PGR: variants seen among roughly 807,000 people sequenced by gnomAD.
The protein encoded by PGR is nuclear receptor subfamily 3 group C member 3.
A neutral mutation model predicts 76.1 loss-of-function variants in PGR; 25 were observed. That is an observed-to-expected ratio of 0.33 (90% CI 0.24 to 0.46). The LOEUF is 0.46. Among genes scored for constraint, PGR ranks in the 20% least tolerant of loss-of-function variants. The pLI is 1.00. For synonymous variants in PGR, 579 were observed against 535.0 expected (o/e 1.08, Z -1.14); for missense variants, 1,172 against 1,225.3 (o/e 0.96, Z 0.65).
chr11:101,049,855 A>C, intron 6 of PGR, 74 bp downstream of exon 6: 1 of 1,234,324 alleles, frequency 8.1e-7, no homozygotes, highest in Non-Finnish European at 1.2e-6. Flanking sequence ...TAACTATATA[A>C]TCATATTGTT....
rs1862010937 is a variant in PGR, at chr11:101,102,000, C to A, written c.1790-10124G>T. On this transcript the variant is annotated intron_variant, in intron 2 of 7. Coordinates refer to ENST00000325455, the MANE Select transcript of PGR (RefSeq NM_000926.4). ...GATTCTTGTCAAAACGTTTAACTGG[C>A]ATATAATTATGTGGGGGAAAAATCA... Among the ~76,000 whole-genome samples the A allele has an allele frequency of 2.0e-5, 3 of 151,950 alleles. No individual in the cohort carries two copies. The South Asian group carries it at 6.2e-4, about 32-fold the overall frequency.
chr11:101,064,924 C>A (rs1189914395), intron 3 of PGR, among the ~76,000 whole-genome samples: 1 of 152,144 alleles, frequency 6.6e-6, no homozygotes, highest in African/African-American at 2.4e-5. Flanking sequence ...CAGTTGCCTA[C>A]AAAATTCAAC....
intron 3 of PGR, among the ~76,000 whole-genome samples, chr11:101,078,379 G>A (rs948832162): frequency 5.9e-5 from 9 of 152,112 alleles, no homozygotes; most frequent in South Asian, 2.1e-4. Flanking sequence ...TGTAGAAAGC[G>A]ACTTATTTTT....
At chr11:101,053,766 C>T (rs1860189881) in intron 4 of PGR, among the ~76,000 whole-genome samples, 1 of 151,310 alleles carries the variant, frequency 6.6e-6, no homozygotes, top group Admixed American at 6.6e-5. Flanking sequence ...CCTCCTCCCT[C>T]ACTGCTCCCT....
intron 4 of PGR, among the ~76,000 whole-genome samples, 198 bp downstream of exon 4, chr11:101,062,249 G>T (rs1013935274): frequency 1.3e-5 from 2 of 152,142 alleles, no homozygotes; most frequent in African/African-American, 4.8e-5. Context: ...AAGACTCAGT[G>T]TGTTCTCTAA....
intron 2 of PGR, among the ~76,000 whole-genome samples, chr11:101,107,068 G>T (rs1022856837): frequency 6.6e-6 from 1 of 152,086 alleles, no homozygotes; most frequent in Non-Finnish European, 1.5e-5. Flanking sequence ...GTCAGGGGAT[G>T]GGGGGCTAGG....
At chr11:101,077,620 T>C (rs1336805237) in intron 3 of PGR, among the ~76,000 whole-genome samples, 2 of 152,174 alleles carry the variant, frequency 1.3e-5, no homozygotes, top group African/African-American at 2.4e-5. Context: ...AAAGTTCTAG[T>C]TGGCAAACCA....
chr11:101,127,866 C>A lies in PGR; in HGVS notation c.1205G>T (p.Arg402Leu), dbSNP rs753587795. Residue 402 changes from arginine to leucine, a missense_variant, in exon 1 of 8, where the codon CGT becomes CTT. Around this residue, in one of 4 missense-constraint regions of PGR, gnomAD observed 893 missense variants for 785.9 expected, o/e 1.14. Coordinates refer to ENST00000325455, the MANE Select transcript of PGR (RefSeq NM_000926.4). ...EGAEASARSP[R>L]SYLVAGANPA... ...GTTGGCACCGGCCACAAGGTAGGAA[C>A]GCGGGGAGCGCGCGGAGGCCTCCGC... is the stretch of plus-strand genomic sequence containing the variant. 6.3e-7 allele frequency: 1 copy of A among 1,598,974 alleles called. No homozygotes were observed. The highest frequency in any genetic ancestry group is 8.5e-7 in the Non-Finnish European group (1 of 1,177,046).
chr11:101,051,667 G>A (rs1860093152), intron 4 of PGR, 99 bp from the exon 5 acceptor site: 4 of 853,246 alleles, frequency 4.7e-6, no homozygotes, highest in Non-Finnish European at 8.0e-6. Context: ...TATGCGTAGG[G>A]TAATAAAATG....
In PGR at chr11:101,127,694, C is replaced by T. The variant is rs759862685; in HGVS notation, c.1377G>A (p.Glu459=). The change falls in exon 1 of 8, where the codon GAG becomes GAA. Residue 459 remains glutamate, a synonymous_variant. Transcript: ENST00000325455. ...SSASSSGSTL[E]CILYKAEGAP... ...CGCCCTCCGCTTTGTACAGGATGCA[C>T]TCCAGGGTCGACCCCGAGGAGGACG... 3 of 1,581,984 alleles carry T rather than the reference C, an allele frequency of 1.9e-6. No individual in the cohort carries two copies. The highest frequency in any genetic ancestry group is 2.6e-6 in the Non-Finnish European group (3 of 1,173,144).
chr11:101,052,391 A>G (rs1860125807), intron 4 of PGR, among the ~76,000 whole-genome samples: 1 of 151,660 alleles, frequency 6.6e-6, no homozygotes, highest in African/African-American at 2.4e-5. Flanking sequence ...TTGGTGGCAG[A>G]AGGATGGCAG....
intron 3 of PGR, among the ~76,000 whole-genome samples, chr11:101,073,704 T>A (rs1861026040): frequency 6.6e-6 from 1 of 152,132 alleles, no homozygotes; most frequent in South Asian, 2.1e-4. Context: ...TATAAACACC[T>A]CTATGAAAAT....
chr11:101,081,875 C>T (rs1466593082), intron 3 of PGR, among the ~76,000 whole-genome samples: 1 of 152,182 alleles, frequency 6.6e-6, no homozygotes, highest in Non-Finnish European at 1.5e-5. Flanking sequence ...AAACAGCTAA[C>T]AACTAAACAA....
At chr11:101,111,595 A>G (rs1436957095) in intron 2 of PGR, among the ~76,000 whole-genome samples, 2 of 152,164 alleles carry the variant, frequency 1.3e-5, no homozygotes, top group East Asian at 3.8e-4. Context: ...CCTTTCTTAG[A>G]TATTTTGACT....
rs1280512960 is a variant in PGR, at chr11:101,034,748, C to T, written c.*4368G>A. On this transcript the variant is annotated 3_prime_UTR_variant, in exon 8 of 8. Coordinates refer to ENST00000325455, the MANE Select transcript of PGR (RefSeq NM_000926.4). ...ATCTAGGCCCAGTTCAGCTTGGATT[C>T]ATCTTATGGATGTTGACTAATCTGG... The T allele has an allele frequency of 5.7e-6, 1 of 175,114 alleles. No homozygotes were observed. Among genetic ancestry groups the T allele is most frequent in the African/African-American group, 2.4e-5 (1 of 42,142 alleles). The allele number at this position is 175,114 out of a possible 1,614,324, so 10.8% of individuals were successfully genotyped here. A position where few individuals can be genotyped will look rare whatever the true frequency, so the allele number is the denominator to read the frequency against.
At chr11:101,090,816 T>C (rs1861653117) in intron 3 of PGR, among the ~76,000 whole-genome samples, 1 of 152,186 alleles carries the variant, frequency 6.6e-6, no homozygotes, top group Admixed American at 6.5e-5. Context: ...GGGTGATTAA[T>C]TTTGGTCCAG....
rs768131616 is a variant in PGR at position 101,034,783 on chromosome 11, T to C, written c.*4333A>G. ...ATGTTGACTAATCTGGCTTGGATTA[T>C]ATTTTATAATATGGGTGAAGAGTCA... is the stretch of plus-strand genomic sequence containing the variant. On this transcript the variant is annotated 3_prime_UTR_variant, in exon 8 of 8. Transcript: ENST00000325455. 1.0e-4 allele frequency: 18 copies of C among 176,802 alleles called. No individual in the cohort carries two copies. The highest frequency in any genetic ancestry group is 3.2e-4 in the Admixed American group (5 of 15,800). The allele number at this position is 176,802 out of a possible 1,614,324, so 11.0% of individuals were successfully genotyped here. A position where few individuals can be genotyped will look rare whatever the true frequency, so the allele number is the denominator to read the frequency against.
chr11:101,029,770 CTG>C lies in PGR; in HGVS notation c.*9344_*9345del, dbSNP rs753323653. 4.6e-6 allele frequency: 1 copy of C among 218,500 alleles called. No individual in the cohort carries two copies. 13.5% of individuals were successfully genotyped at this position (218,500 alleles called of 1,614,324 possible). ...TAAAACACTTGTCAAGCTGAGTAGA[CTG>C]TTTTCTTATGTGAACCACAAAATAT... On this transcript the variant is annotated 3_prime_UTR_variant, in exon 8 of 8. Coordinates refer to ENST00000325455, the MANE Select transcript of PGR (RefSeq NM_000926.4).
At chr11:101,079,452 G>A (rs1477450914) in intron 3 of PGR, among the ~76,000 whole-genome samples, 2 of 150,874 alleles carry the variant, frequency 1.3e-5, no homozygotes, top group African/African-American at 4.9e-5. Context: ...TTTAAAAATA[G>A]GCAAAATGAA....
Sources: allele counts gnomAD v4.1 joint callset (sites outside exome capture counted in the v4.1 genomes callset), GRCh38; gene constraint gnomAD v4.1.1; regional missense constraint gnomAD v4.1.1; transcripts MANE v1.5; gene names NCBI Gene and HGNC (gene_info 2026-07-23, HGNC 2026-07-21).